CPHXL2: variants seen among roughly 807,000 people sequenced by gnomAD.
The protein encoded by CPHXL2 is cytoplasmic polyadenylated homeobox like 2, also known as cytoplasmic polyadenylated homeobox-like protein 2.
At chr16:75,672,126 A>AG in the CPHXL2 span, among the ~76,000 whole-genome samples, 4 of 151,894 alleles carry the variant, frequency 2.6e-5, no homozygotes, top group Non-Finnish European at 4.4e-5. Flanking sequence ...AAGAAAAAAA[A>AG]AAATCAGCTG....
At chr16:75,673,965 G>C in the CPHXL2 span, among the ~76,000 whole-genome samples, 1 of 139,032 alleles carries the variant, frequency 7.2e-6, no homozygotes, top group South Asian at 2.3e-4. Flanking sequence ...GGGTGACAGA[G>C]AGAGATCTCG....
chr16:75,662,335 CT>C, the CPHXL2 span, among the ~76,000 whole-genome samples: 23,531 of 126,604 alleles, frequency 0.19, 2,053 homozygotes, highest in African/African-American at 0.25. Flanking sequence ...TCTTTCTTTT[CT>C]TTTTTTTTTT....
At chr16:75,670,081 ATTGT>A in the CPHXL2 span, among the ~76,000 whole-genome samples, 3 of 151,932 alleles carry the variant, frequency 2.0e-5, no homozygotes, top group Admixed American at 6.6e-5. Context: ...CGCCCAGCTA[ATTGT>A]TTGTATTTTT....
At chr16:75,661,857 C>T in the CPHXL2 span, among the ~76,000 whole-genome samples, 1 of 152,038 alleles carries the variant, frequency 6.6e-6, no homozygotes, top group Non-Finnish European at 1.5e-5. Flanking sequence ...GCTCTCATAC[C>T]ACAACAGTCA....
the CPHXL2 span, among the ~76,000 whole-genome samples, chr16:75,672,405 C>T: frequency 6.6e-6 from 1 of 152,046 alleles, no homozygotes; most frequent in Non-Finnish European, 1.5e-5. Context: ...GAAGGGGCCA[C>T]AAATGTACAG....
At chr16:75,661,190 A>G in the CPHXL2 span, 1 of 400,844 alleles carries the variant, frequency 2.5e-6, no homozygotes, top group Non-Finnish European at 4.4e-6. Flanking sequence ...TTTTCCAAGT[A>G]AGAAATATTC....
At chr16:75,676,833 G>C in the CPHXL2 span, among the ~76,000 whole-genome samples, 2 of 152,168 alleles carry the variant, frequency 1.3e-5, no homozygotes, top group Non-Finnish European at 2.9e-5. Context: ...AAAAGCTGCA[G>C]TGTCCTGTTG....
At chr16:75,674,129 T>C in the CPHXL2 span, among the ~76,000 whole-genome samples, 1 of 151,086 alleles carries the variant, frequency 6.6e-6, no homozygotes, top group Non-Finnish European at 1.5e-5. Context: ...ATCCCAGCAC[T>C]TTGGGAGGCC....
the CPHXL2 span, among the ~76,000 whole-genome samples, chr16:75,675,036 A>C: frequency 1.3e-5 from 2 of 151,594 alleles, no homozygotes; most frequent in Non-Finnish European, 2.9e-5. Flanking sequence ...TAAAAATACA[A>C]AAATTAACCA....
At chr16:75,666,890 C>G in the CPHXL2 span, among the ~76,000 whole-genome samples, 1 of 152,098 alleles carries the variant, frequency 6.6e-6, no homozygotes, top group Non-Finnish European at 1.5e-5. Context: ...TCTCTCAGAC[C>G]ACAGTGGAAT....
chr16:75,674,961 C>T, the CPHXL2 span, among the ~76,000 whole-genome samples: 4 of 151,520 alleles, frequency 2.6e-5, no homozygotes, highest in Admixed American at 6.6e-5. Context: ...GAGGCTGAGG[C>T]GGGCAGATCA....
the CPHXL2 span, among the ~76,000 whole-genome samples, chr16:75,664,304 A>C: frequency 6.6e-6 from 1 of 152,174 alleles, no homozygotes; most frequent in Admixed American, 6.5e-5. Context: ...ATTGATTAAG[A>C]TCTGTCTCAG....
At chr16:75,669,446 T>C in the CPHXL2 span, 1 of 400,822 alleles carries the variant, frequency 2.5e-6, no homozygotes, top group Non-Finnish European at 4.4e-6. Context: ...TCTCCAAATA[T>C]TTCCTTAAGT....
the CPHXL2 span, among the ~76,000 whole-genome samples, chr16:75,661,588 C>G: frequency 6.6e-6 from 1 of 151,950 alleles, no homozygotes; most frequent in Non-Finnish European, 1.5e-5. Context: ...GAGACCCACT[C>G]TGTGCTACAG....
chr16:75,665,735 C>T, the CPHXL2 span, among the ~76,000 whole-genome samples: 8 of 152,174 alleles, frequency 5.3e-5, no homozygotes, highest in South Asian at 8.3e-4. Flanking sequence ...TGGTGGCAGG[C>T]GTCTGTAATC....
At chr16:75,669,067 C>A in the CPHXL2 span, among the ~76,000 whole-genome samples, 1 of 152,098 alleles carries the variant, frequency 6.6e-6, no homozygotes, top group East Asian at 1.9e-4. Context: ...GTAATCCCAG[C>A]ACTTTGGGAG....
At chr16:75,676,033 C>T in the CPHXL2 span, among the ~76,000 whole-genome samples, 11 of 151,902 alleles carry the variant, frequency 7.2e-5, no homozygotes, top group Admixed American at 6.6e-5. Context: ...GAGCCGAGAT[C>T]GCGCCATTGC....
At chr16:75,671,793 A>T in the CPHXL2 span, among the ~76,000 whole-genome samples, 1 of 152,250 alleles carries the variant, frequency 6.6e-6, no homozygotes, top group Non-Finnish European at 1.5e-5. Context: ...AGAAATAGCA[A>T]GGAAGACACT....
chr16:75,660,657 T>C, the CPHXL2 span: 3 of 398,454 alleles, frequency 7.5e-6, no homozygotes, highest in Non-Finnish European at 1.3e-5. Context: ...GCAAAGACAA[T>C]GGTCTTTCTT....
Sources: allele counts gnomAD v4.1 joint callset (sites outside exome capture counted in the v4.1 genomes callset), GRCh38; gene constraint gnomAD v4.1.1; transcripts MANE v1.5; gene names NCBI Gene and HGNC (gene_info 2026-07-23, HGNC 2026-07-21).